Variants in AK5 observed in about 807,000 individuals in gnomAD.
AK5 encodes the protein adenylate kinase 5.
In AK5, 27 loss-of-function variants were observed where a neutral mutation model predicts 69.5. The ratio of observed to expected loss-of-function variants is 0.39; its 90% confidence interval spans 0.29 to 0.54. AK5 has a LOEUF of 0.54. Among genes scored for constraint, AK5 ranks in the 20% least tolerant of loss-of-function variants. The pLI is 0.71. For synonymous variants in AK5, 260 were observed against 244.4 expected (o/e 1.06, Z -0.60); for missense variants, 531 against 700.4 (o/e 0.76, Z 2.73).
At chr1:77,512,732 C>G (rs186608440) in intron 10 of AK5, among the ~76,000 whole-genome samples, 157 of 152,160 alleles carry the variant, frequency 1.0e-3, no homozygotes, top group Middle Eastern at 3.4e-3. Context: ...TATTGCGGCA[C>G]TATTCACAAT....
At chr1:77,541,109 A>G (rs1659245027) in intron 13 of AK5, among the ~76,000 whole-genome samples, 1 of 152,024 alleles carries the variant, frequency 6.6e-6, no homozygotes, top group Admixed American at 6.5e-5. Flanking sequence ...GGTTTCTCTT[A>G]TGTTGGCCAG....
At chr1:77,483,682 A>C (rs2100723505) in intron 9 of AK5, among the ~76,000 whole-genome samples, 1 of 152,354 alleles carries the variant, frequency 6.6e-6, no homozygotes, top group Admixed American at 6.5e-5. Flanking sequence ...CCAAGTATAT[A>C]ATAGCATCCA....
chr1:77,524,871 G>A (rs146014444), intron 12 of AK5, among the ~76,000 whole-genome samples: 4 of 152,120 alleles, frequency 2.6e-5, no homozygotes, highest in East Asian at 1.9e-4. Flanking sequence ...TAGTTTTAGC[G>A]CTTATATATT....
intron 6 of AK5, among the ~76,000 whole-genome samples, chr1:77,364,331 T>C (rs1570443267): frequency 1.3e-5 from 2 of 152,190 alleles, no homozygotes; most frequent in Non-Finnish European, 2.9e-5. Context: ...ATCAGGGTAA[T>C]TGGGTTTTCT....
At chr1:77,548,549 A>T (rs1352876962) in intron 13 of AK5, among the ~76,000 whole-genome samples, 1 of 152,194 alleles carries the variant, frequency 6.6e-6, no homozygotes, top group African/African-American at 2.4e-5. Context: ...ATCCTAAACC[A>T]TGCTGTAACA....
chr1:77,495,994 C>T (rs1656292499), intron 10 of AK5, among the ~76,000 whole-genome samples: 1 of 152,100 alleles, frequency 6.6e-6, no homozygotes, highest in Non-Finnish European at 1.5e-5. Context: ...AAATGGCAGC[C>T]TAAGGATACA....
intron 8 of AK5, among the ~76,000 whole-genome samples, chr1:77,463,720 T>G (rs1394620085): frequency 2.6e-5 from 4 of 152,178 alleles, no homozygotes; most frequent in African/African-American, 9.6e-5. Flanking sequence ...TTTCCCTCTA[T>G]TTTTCCCTTA....
intron 6 of AK5, among the ~76,000 whole-genome samples, chr1:77,381,588 AT>A (rs1256915788): frequency 1.3e-5 from 2 of 152,216 alleles, no homozygotes; most frequent in African/African-American, 4.8e-5. Flanking sequence ...GTAGCAAAAT[AT>A]TACTTTACTA....
chr1:77,309,480 G>A (rs953930579), intron 5 of AK5, among the ~76,000 whole-genome samples: 1 of 151,942 alleles, frequency 6.6e-6, no homozygotes, highest in African/African-American at 2.4e-5. Flanking sequence ...TCTATAACTT[G>A]CTTTTATCAC....
intron 8 of AK5, among the ~76,000 whole-genome samples, chr1:77,438,624 C>G (rs1652117830): frequency 1.3e-5 from 2 of 152,078 alleles, no homozygotes; most frequent in Non-Finnish European, 2.9e-5. Context: ...AAAAAAAGTA[C>G]AAGATTCAAA....
At chr1:77,495,458 A>G (rs963891841) in intron 10 of AK5, among the ~76,000 whole-genome samples, 2 of 152,224 alleles carry the variant, frequency 1.3e-5, no homozygotes, top group African/African-American at 2.4e-5. Flanking sequence ...ATTAATGACA[A>G]AGACCTCTGT....
At chr1:77,503,641 C>G (rs181376581) in intron 10 of AK5, among the ~76,000 whole-genome samples, 6 of 152,058 alleles carry the variant, frequency 3.9e-5, no homozygotes, top group Admixed American at 3.9e-4. Flanking sequence ...GTGGCTCAAA[C>G]CTATAATCCC....
intron 8 of AK5, among the ~76,000 whole-genome samples, chr1:77,466,225 G>A (rs1654132967): frequency 6.6e-6 from 1 of 152,034 alleles, no homozygotes; most frequent in South Asian, 2.1e-4. Flanking sequence ...GGACATGTTT[G>A]TCACTCCCCA....
intron 12 of AK5, among the ~76,000 whole-genome samples, chr1:77,528,565 CTA>C (rs1179963652): frequency 1.3e-5 from 2 of 152,180 alleles, no homozygotes; most frequent in Non-Finnish European, 2.9e-5. Flanking sequence ...AAGGGTAAGT[CTA>C]TGTGTGGTTT....
At chr1:77,343,876 C>T (rs1163362739) in intron 6 of AK5, among the ~76,000 whole-genome samples, 3 of 152,180 alleles carry the variant, frequency 2.0e-5, no homozygotes, top group African/African-American at 7.2e-5. Context: ...TTTGAGGGAA[C>T]TCTGTTGCCT....
chr1:77,403,867 A>G (rs1204041371), intron 6 of AK5, among the ~76,000 whole-genome samples: 2 of 152,198 alleles, frequency 1.3e-5, no homozygotes, highest in Non-Finnish European at 2.9e-5. Context: ...GATGGCATTG[A>G]ATCTATAAAT....
In AK5 at chr1:77,324,327, GT is replaced by G. The variant is rs879944177; in HGVS notation, c.700-16049del. On this transcript the variant is annotated intron_variant, in intron 5 of 13. Transcript: ENST00000354567. ...AAAAGTTCACCATTTGCGTGTGTGT[GT>G]GTGTGTGTGTGTGTGTGTGTGTGTG... 4.7e-3 allele frequency among the ~76,000 whole-genome samples: 368 copies of G among 78,226 alleles called. 1 individual carries two copies. The highest frequency in any genetic ancestry group is 7.1e-3 in the Non-Finnish European group (205 of 28,800). 51.3% of individuals were successfully genotyped at this position (78,226 alleles called of 152,430 possible).
chr1:77,419,959 A>G (rs925420504), intron 8 of AK5, among the ~76,000 whole-genome samples: 11 of 152,282 alleles, frequency 7.2e-5, no homozygotes, highest in Admixed American at 5.9e-4. Flanking sequence ...TTCAACAAGT[A>G]TTAATTGGAC....
At chr1:77,414,812 G>C (rs1047002651) in intron 7 of AK5, among the ~76,000 whole-genome samples, 1 of 152,050 alleles carries the variant, frequency 6.6e-6, no homozygotes, top group South Asian at 2.1e-4. Flanking sequence ...ATTATCCAAC[G>C]AAAGAAGGCA....
Sources: gnomAD v4.1 joint callset for allele counts (sites outside exome capture counted in the v4.1 genomes callset) on GRCh38, gnomAD v4.1.1 for gene constraint, MANE v1.5 for transcripts, NCBI Gene and HGNC (gene_info 2026-07-23, HGNC 2026-07-21) for gene names.